RAP1B: variants seen among roughly 807,000 people sequenced by gnomAD.
RAP1B encodes the protein RAP1B, member of RAS oncogene family.
In RAP1B, 1 loss-of-function variant was observed where a neutral mutation model predicts 27.5. That is an observed-to-expected ratio of 0.04 (90% CI 0.01 to 0.17). The LOEUF is 0.17. RAP1B is among the 10% of genes least tolerant of loss of function. The probability of loss-of-function intolerance (pLI) is 1.00; values close to 1 mark genes in which losing one functional copy is unlikely to be tolerated. For missense variants in RAP1B, 84 were observed against 214.8 expected, an observed-to-expected ratio of 0.39 and a Z score of 3.81; for synonymous variants, 75 against 73.1, an observed-to-expected ratio of 1.03 and a Z score of -0.13.
rs1034412273 is a variant in RAP1B at position 68,669,901 on chromosome 12, T to C, written c.*10652T>C. 1.3e-5 allele frequency: 2 copies of C among 152,288 alleles called. No homozygotes were observed. Among genetic ancestry groups the C allele is most frequent in the Non-Finnish European group, 2.9e-5 (2 of 68,442 alleles). 9.4% of individuals were successfully genotyped at this position (152,288 alleles called of 1,614,324 possible). ...CAGAACTAGATTCCAGTATATGACG[T>C]TTATACGTGACAAAAATATATTTCT... On this transcript the variant is annotated 3_prime_UTR_variant, in exon 8 of 8. Transcript: ENST00000250559.
In RAP1B at chr12:68,623,065, C is replaced by T. The variant is rs566016911; in HGVS notation, c.-27+12022C>T. Among the ~76,000 whole-genome samples, 3 of 152,302 alleles carry T rather than the reference C, an allele frequency of 2.0e-5. No individual in the cohort carries two copies. In the East Asian group the frequency reaches 5.8e-4, roughly 29 times the overall value. On this transcript the variant is annotated intron_variant, in intron 1 of 7. Transcript: ENST00000250559. ...ATAATTCCTCATTTTTTATTTAGGT[C>T]ATCTGTCTCTTGAGGACTATTTGAT...
intron 1 of RAP1B, among the ~76,000 whole-genome samples, chr12:68,619,675 G>C (rs1454697392): frequency 6.6e-6 from 1 of 152,012 alleles, no homozygotes; most frequent in African/African-American, 2.4e-5. Context: ...TCCATGCTTT[G>C]CTCTCAGTGT....
intron 1 of RAP1B, among the ~76,000 whole-genome samples, chr12:68,626,573 G>A (rs1291474196): frequency 3.3e-5 from 5 of 152,128 alleles, no homozygotes; most frequent in African/African-American, 7.2e-5. Context: ...TAAGGCATTT[G>A]AGTAGCTTAT....
At position 68,669,096 on chromosome 12, in the gene RAP1B, G is replaced by A. The variant is rs983526873; in HGVS notation, c.*9847G>A. The A allele has an allele frequency of 2.0e-5, 3 of 152,158 alleles. No homozygotes were observed. The highest frequency in any genetic ancestry group is 7.2e-5 in the African/African-American group (3 of 41,440). The allele number at this position is 152,158 out of a possible 1,614,324, so 9.4% of individuals were successfully genotyped here. On this transcript the variant is annotated 3_prime_UTR_variant, in exon 8 of 8. Coordinates refer to ENST00000250559, the MANE Select transcript of RAP1B (RefSeq NM_001010942.3). ...ATCTATTAGAAGTATTCAGGAACTT[G>A]GCTGGATATAAGATAAGCATGCCAA...
chr12:68,632,870 A>G (rs762222259), intron 1 of RAP1B, among the ~76,000 whole-genome samples: 2 of 152,158 alleles, frequency 1.3e-5, no homozygotes, highest in Non-Finnish European at 2.9e-5. Flanking sequence ...ATGCCTCACT[A>G]TGTTGTCTAG....
At chr12:68,653,987 T>A in intron 4 of RAP1B, 125 bp from the exon 5 acceptor site, 1 of 850,556 alleles carries the variant, frequency 1.2e-6, no homozygotes, top group Non-Finnish European at 1.8e-6. Flanking sequence ...TCATAGATTA[T>A]AATTTTAACA....
At position 68,648,736 on chromosome 12, in the gene RAP1B, T is replaced by C; in HGVS notation, c.12T>C (p.Tyr4=). MRE[Y]KLVVLGSGGV... ...GACAAGCTTGCATCATGCGTGAGTATAAGCTAGTCGTTCTTGGCTCAGGAG... is the reference window on the plus strand; with the variant it reads ...GACAAGCTTGCATCATGCGTGAGTACAAGCTAGTCGTTCTTGGCTCAGGAG... The change falls in exon 2 of 8, where the codon TAT becomes TAC. Residue 4 remains tyrosine (Y), a synonymous_variant. Transcript: ENST00000250559. The C allele has an allele frequency of 1.2e-6, 2 of 1,612,736 alleles. No homozygotes were observed. The highest frequency in any genetic ancestry group is 2.2e-5 in the South Asian group (2 of 90,838).
At chr12:68,614,017 A>T (rs1356367378) in intron 1 of RAP1B, among the ~76,000 whole-genome samples, 2 of 152,218 alleles carry the variant, frequency 1.3e-5, no homozygotes, top group Non-Finnish European at 2.9e-5. Context: ...AACTAGATCC[A>T]TTTTTGTAAG....
At chr12:68,644,850 G>A (rs1031041727) in intron 1 of RAP1B, among the ~76,000 whole-genome samples, 5 of 151,456 alleles carry the variant, frequency 3.3e-5, no homozygotes, top group South Asian at 2.1e-4. Context: ...CACCACACCC[G>A]GCTAATTTTG....
At chr12:68,633,942 C>T (rs1023370925) in intron 1 of RAP1B, among the ~76,000 whole-genome samples, 4 of 152,114 alleles carry the variant, frequency 2.6e-5, no homozygotes, top group Non-Finnish European at 5.9e-5. Flanking sequence ...AATGTTTTCT[C>T]GTTGCCTCTT....
At chr12:68,622,600 C>G (rs1162316796) in intron 1 of RAP1B, among the ~76,000 whole-genome samples, 1 of 152,166 alleles carries the variant, frequency 6.6e-6, no homozygotes, top group Non-Finnish European at 1.5e-5. Flanking sequence ...TTTTCCTGAT[C>G]ACCTTATATA....
Position 68,656,024 on chromosome 12 carries a change from A to G in RAP1B, c.325-282A>G, listed in dbSNP as rs537587217. Reference sequence around the variant, plus strand: ...ACATTGACTAGGTTGTGTTCATTTTACTTAACATATGAGAGTTTTCTTTCT... The same window carrying G: ...ACATTGACTAGGTTGTGTTCATTTTGCTTAACATATGAGAGTTTTCTTTCT... On this transcript the variant is annotated intron_variant, in intron 5 of 7. Transcript: ENST00000250559. 3.3e-5 allele frequency among the ~76,000 whole-genome samples: 5 copies of G among 152,314 alleles called. No individual in the cohort carries two copies. The South Asian group carries it at 1.0e-3, about 32-fold the overall frequency.
chr12:68,658,720 C>T (rs1251063901), intron 7 of RAP1B, among the ~76,000 whole-genome samples: 1 of 152,174 alleles, frequency 6.6e-6, no homozygotes, highest in East Asian at 1.9e-4. Context: ...GATTGTAAAT[C>T]TGTAAAACAC....
chr12:68,656,779 GA>G, intron 6 of RAP1B: 1 of 527,428 alleles, frequency 1.9e-6, no homozygotes, highest in East Asian at 3.2e-5. Flanking sequence ...CATGGTTCTT[GA>G]AAGGCTCCAA....
intron 1 of RAP1B, among the ~76,000 whole-genome samples, chr12:68,618,025 A>G (rs140051071): frequency 0.017 from 2,534 of 146,532 alleles, 35 homozygotes; most frequent in Middle Eastern, 0.036. Context: ...CACCTCCCAA[A>G]CTGCTAGGAT....
At chr12:68,627,461 G>T in intron 1 of RAP1B, 1 of 311,736 alleles carries the variant, frequency 3.2e-6, no homozygotes, top group Non-Finnish European at 6.1e-6. Context: ...AGTATAAATG[G>T]TTTGGTAGCC....
chr12:68,650,534 A>G (rs549373334), intron 3 of RAP1B, 66 bp downstream of exon 3: 1 of 1,243,446 alleles, frequency 8.0e-7, no homozygotes, highest in African/African-American at 1.6e-5. Context: ...TAGCTTTATA[A>G]TTATTGAATG....
intron 1 of RAP1B, chr12:68,624,893 A>G (rs1298083624): frequency 1.3e-5 from 2 of 152,246 alleles, no homozygotes; most frequent in Non-Finnish European, 2.9e-5. Context: ...TGAAGAGGCT[A>G]CTTAGAAACT....
chr12:68,657,089 T>C lies in RAP1B; in HGVS notation c.469-12T>C, dbSNP rs769896683. The C allele has an allele frequency of 6.2e-7, 1 of 1,607,478 alleles. No homozygotes were observed. The highest frequency in any genetic ancestry group is 2.2e-5 in the East Asian group (1 of 44,822). On this transcript the variant is annotated splice_polypyrimidine_tract_variant and intron_variant, in intron 6 of 7. Coordinates refer to ENST00000250559, the MANE Select transcript of RAP1B (RefSeq NM_001010942.3). ...TCCTCCTGTAAATTAAAACAAATTA[T>C]TGTATTTGCAGATCTTTTATGACCT... is the stretch of plus-strand genomic sequence containing the variant.
Sources: allele counts gnomAD v4.1 joint callset (sites outside exome capture counted in the v4.1 genomes callset), GRCh38; gene constraint gnomAD v4.1.1; transcripts MANE v1.5; gene names NCBI Gene and HGNC (gene_info 2026-07-23, HGNC 2026-07-21).